Variants in KIF26B observed in about 807,000 individuals in gnomAD.
KIF26B encodes kinesin family member 26B, also known as kinesin-like protein KIF26B.
Under a neutral mutation model 151.2 loss-of-function variants are expected in KIF26B, and 63 were observed. That is an observed-to-expected ratio of 0.42 (90% CI 0.34 to 0.51). The LOEUF (loss-of-function observed/expected upper bound fraction) is 0.51. Ranked by LOEUF, KIF26B falls within the 20% of genes least tolerant of loss-of-function variation. The probability of loss-of-function intolerance (pLI) is 0.07; values close to 1 mark genes in which losing one functional copy is unlikely to be tolerated. For synonymous variants in KIF26B, 1,357 were observed against 1,262.1 expected (o/e 1.08, Z -1.59); for missense variants, 2,813 against 2,913.6 (o/e 0.97, Z 0.79).
At chr1:245,230,167 A>C (rs915765487) in intron 2 of KIF26B, among the ~76,000 whole-genome samples, 2 of 150,762 alleles carry the variant, frequency 1.3e-5, no homozygotes, top group East Asian at 1.9e-4. Context: ...AAAAAAAAAA[A>C]CAACAACACT....
At chr1:245,693,964 G>C (rs1049846788) in intron 12 of KIF26B, among the ~76,000 whole-genome samples, 1 of 152,206 alleles carries the variant, frequency 6.6e-6, no homozygotes, top group Non-Finnish European at 1.5e-5. Flanking sequence ...TGGGGGAAAA[G>C]GAGGAGAGTC....
intron 4 of KIF26B, among the ~76,000 whole-genome samples, chr1:245,425,805 GCA>G (rs1185641969): frequency 2.0e-5 from 3 of 152,196 alleles, no homozygotes; most frequent in African/African-American, 7.2e-5. Flanking sequence ...GATCACATGA[GCA>G]CAAAGACACT....
At chr1:245,552,186 G>A (rs567592591) in intron 5 of KIF26B, among the ~76,000 whole-genome samples, 8 of 149,476 alleles carry the variant, frequency 5.4e-5, no homozygotes, top group South Asian at 4.3e-4. Flanking sequence ...GGGGGTGGGG[G>A]ATTGACTGAT....
intron 2 of KIF26B, chr1:245,214,111 G>A (rs1669595916): frequency 6.6e-6 from 1 of 152,148 alleles, no homozygotes; most frequent in Admixed American, 6.5e-5. Flanking sequence ...TCAGTGGCTG[G>A]GAGTCCCAGA....
chr1:245,520,610 A>AT (rs1361442631), intron 4 of KIF26B, among the ~76,000 whole-genome samples: 634 of 42,666 alleles, frequency 0.015, 8 homozygotes, highest in East Asian at 0.11. Context: ...CCACCCACCC[A>AT]CCCATCCATC....
At chr1:245,590,147 A>G (rs2043271744) in intron 5 of KIF26B, among the ~76,000 whole-genome samples, 1 of 149,566 alleles carries the variant, frequency 6.7e-6, no homozygotes. Context: ...GGGGTGCCCA[A>G]CGTGGCAGGG....
intron 10 of KIF26B, among the ~76,000 whole-genome samples, chr1:245,673,056 C>G (rs1233023668): frequency 2.1e-4 from 32 of 149,640 alleles, no homozygotes; most frequent in Admixed American, 1.5e-3. Context: ...GTCCCCACTG[C>G]ACGCTGTCAT....
chr1:245,479,944 T>G (rs138383997), intron 4 of KIF26B, among the ~76,000 whole-genome samples: 1 of 151,916 alleles, frequency 6.6e-6, no homozygotes, highest in African/African-American at 2.4e-5. Context: ...AAATTTCCAC[T>G]TAAATAAGAA....
At chr1:245,608,923 T>A (rs1448030156) in intron 7 of KIF26B, among the ~76,000 whole-genome samples, 3 of 152,054 alleles carry the variant, frequency 2.0e-5, no homozygotes, top group Non-Finnish European at 4.4e-5. Context: ...AGATAATTTT[T>A]AAAAATTTTT....
intron 2 of KIF26B, among the ~76,000 whole-genome samples, chr1:245,332,618 T>A (rs1483766659): frequency 6.6e-6 from 1 of 152,086 alleles, no homozygotes; most frequent in African/African-American, 2.4e-5. Context: ...ACTGCTGACA[T>A]GTTGTGAGTC....
At chr1:245,316,864 A>C (rs1257031472) in intron 2 of KIF26B, among the ~76,000 whole-genome samples, 1 of 112,234 alleles carries the variant, frequency 8.9e-6, no homozygotes, top group Middle Eastern at 4.1e-3. Context: ...TTCAAGGGAC[A>C]AAAACCTGCA....
intron 12 of KIF26B, among the ~76,000 whole-genome samples, chr1:245,689,733 T>C (rs1295051657): frequency 2.0e-5 from 3 of 152,110 alleles, no homozygotes; most frequent in African/African-American, 7.2e-5. Flanking sequence ...AATTTTTCTA[T>C]CTTTGGTAGA....
Position 245,156,328 on chromosome 1 carries a change from C to G in KIF26B, c.110C>G (p.Pro37Arg). ...SPTKPAAPFSPESWYRKAYEE... is the reference protein window; with the variant it reads ...SPTKPAAPFSRESWYRKAYEE... Reference sequence around the variant, plus strand: ...ACCAAGCCCGCAGCGCCCTTCTCCCCGGAAAGCTGGTACCGGAAAGCATAC... The same window carrying G: ...ACCAAGCCCGCAGCGCCCTTCTCCCGGGAAAGCTGGTACCGGAAAGCATAC... Residue 37 changes from proline to arginine, a missense_variant, in exon 2 of 15, where the codon CCG becomes CGG. Pro to Arg is a moderately radical substitution (Grantham distance 103). Coordinates refer to ENST00000407071, the MANE Select transcript of KIF26B (RefSeq NM_018012.4). The G allele has an allele frequency of 6.5e-7, 1 of 1,547,492 alleles. No homozygotes were observed. The highest frequency in any genetic ancestry group is 8.7e-7 in the Non-Finnish European group (1 of 1,145,898).
intron 4 of KIF26B, among the ~76,000 whole-genome samples, chr1:245,463,144 C>A (rs1404452079): frequency 6.6e-6 from 1 of 152,194 alleles, no homozygotes; most frequent in Admixed American, 6.5e-5. Context: ...CACTCACCAC[C>A]CATTTGTGTG....
At chr1:245,431,743 C>T (rs1020442398) in intron 4 of KIF26B, among the ~76,000 whole-genome samples, 3 of 152,216 alleles carry the variant, frequency 2.0e-5, no homozygotes, top group Non-Finnish European at 2.9e-5. Flanking sequence ...TCCCAAAGTC[C>T]TGGGATTACA....
chr1:245,651,261 A>G (rs2103189855), intron 10 of KIF26B, among the ~76,000 whole-genome samples: 1 of 152,346 alleles, frequency 6.6e-6, no homozygotes, highest in African/African-American at 2.4e-5. Context: ...TAGAAGCTCA[A>G]GTTCAAATCA....
At chr1:245,556,003 G>C (rs1206352818) in intron 5 of KIF26B, among the ~76,000 whole-genome samples, 2 of 135,514 alleles carry the variant, frequency 1.5e-5, no homozygotes, top group African/African-American at 5.0e-5. Flanking sequence ...GAATATCGGA[G>C]ACTTCTCCTT....
At chr1:245,258,674 C>T (rs956145830) in intron 2 of KIF26B, among the ~76,000 whole-genome samples, 1 of 152,130 alleles carries the variant, frequency 6.6e-6, no homozygotes, top group Non-Finnish European at 1.5e-5. Flanking sequence ...GCATCTGACC[C>T]GGGCCTGGGG....
intron 5 of KIF26B, among the ~76,000 whole-genome samples, chr1:245,542,323 A>C (rs1393200524): frequency 6.6e-6 from 1 of 152,272 alleles, no homozygotes; most frequent in African/African-American, 2.4e-5. Flanking sequence ...ACTGCACTCT[A>C]GCCTGGGCCA....
Sources: gnomAD v4.1 joint callset for allele counts (sites outside exome capture counted in the v4.1 genomes callset) on GRCh38, gnomAD v4.1.1 for gene constraint, MANE v1.5 for transcripts, NCBI Gene and HGNC (gene_info 2026-07-23, HGNC 2026-07-21) for gene names.